CDH12: variants seen among roughly 807,000 people sequenced by gnomAD.
CDH12 encodes cadherin 12, also known as cadherin-12.
CDH12 carries 41 observed loss-of-function variants against 74.1 expected under a neutral mutation model. The ratio of observed to expected loss-of-function variants is 0.55; its 90% CI spans 0.43 to 0.72. The LOEUF (loss-of-function observed/expected upper bound fraction) is 0.72. CDH12 is among the 30% of genes least tolerant of loss of function. The pLI is 0.00. For missense variants in CDH12, 945 were observed against 977.2 expected, an observed-to-expected ratio of 0.97 and a Z score of 0.44; for synonymous variants, 399 against 355.0, an observed-to-expected ratio of 1.12 and a Z score of -1.39.
chr5:22,384,631 T>A (rs1271281280), intron 3 of CDH12, among the ~76,000 whole-genome samples: 2 of 152,146 alleles, frequency 1.3e-5, no homozygotes, highest in Non-Finnish European at 2.9e-5. Flanking sequence ...CAATGGCTTA[T>A]GTTCCTCAGT....
chr5:22,674,378 C>T (rs551937080), intron 1 of CDH12, among the ~76,000 whole-genome samples: 1 of 152,298 alleles, frequency 6.6e-6, no homozygotes, highest in Admixed American at 6.5e-5. Context: ...GTGAGACATA[C>T]CTTTCACTTT....
At chr5:21,850,044 C>T (rs1750379795) in intron 7 of CDH12, among the ~76,000 whole-genome samples, 1 of 151,288 alleles carries the variant, frequency 6.6e-6, no homozygotes, top group Admixed American at 6.6e-5. Context: ...TGAAATAAGC[C>T]AGGCATATAA....
chr5:22,609,202 G>T (rs1188042769), intron 1 of CDH12, among the ~76,000 whole-genome samples: 1 of 152,152 alleles, frequency 6.6e-6, no homozygotes, highest in Non-Finnish European at 1.5e-5. Flanking sequence ...AGTAAGGAAT[G>T]CAATGGAACC....
chr5:22,698,137 T>C (rs1346691864), intron 1 of CDH12, among the ~76,000 whole-genome samples: 1 of 144,386 alleles, frequency 6.9e-6, no homozygotes, highest in Non-Finnish European at 1.5e-5. Flanking sequence ...TTTTTTTTTT[T>C]TGAGATGGAG....
intron 10 of CDH12, among the ~76,000 whole-genome samples, chr5:21,797,526 GCT>G (rs367609059): frequency 5.6e-4 from 86 of 152,222 alleles, no homozygotes; most frequent in African/African-American, 2.0e-3. Flanking sequence ...TTCAAAAACA[GCT>G]CTGTCTTTTG....
intron 5 of CDH12, among the ~76,000 whole-genome samples, chr5:22,045,506 T>C (rs574915981): frequency 2.0e-5 from 3 of 151,858 alleles, no homozygotes; most frequent in Non-Finnish European, 4.4e-5. Context: ...TGCAGCACTA[T>C]TCACAATAGC....
chr5:22,173,222 C>CAT (rs1231048839), intron 4 of CDH12, among the ~76,000 whole-genome samples: 2 of 147,706 alleles, frequency 1.4e-5, no homozygotes, highest in African/African-American at 2.5e-5. Context: ...CATTTAATTA[C>CAT]ATATATATGA....
chr5:22,208,547 T>C (rs533132033), intron 4 of CDH12, among the ~76,000 whole-genome samples: 3 of 152,368 alleles, frequency 2.0e-5, no homozygotes, highest in Admixed American at 6.5e-5. Context: ...CTTCTTTTCC[T>C]GGCCACTAAC....
intron 2 of CDH12, among the ~76,000 whole-genome samples, chr5:22,459,023 G>T (rs1745400321): frequency 6.6e-6 from 1 of 151,638 alleles, no homozygotes; most frequent in Non-Finnish European, 1.5e-5. Context: ...TAACTTTATT[G>T]CTATAATCAC....
At chr5:22,285,242 A>G (rs1217108376) in intron 3 of CDH12, among the ~76,000 whole-genome samples, 1 of 152,164 alleles carries the variant, frequency 6.6e-6, no homozygotes, top group Non-Finnish European at 1.5e-5. Flanking sequence ...TTTAAAATAA[A>G]TTGTTTTTCC....
chr5:21,973,260 A>C (rs1756931080), intron 6 of CDH12, among the ~76,000 whole-genome samples: 1 of 152,126 alleles, frequency 6.6e-6, no homozygotes, highest in Non-Finnish European at 1.5e-5. Flanking sequence ...CAATTTAAGT[A>C]TTTACTGGAG....
chr5:21,908,933 T>G (rs2150061428), intron 6 of CDH12, among the ~76,000 whole-genome samples: 1 of 152,302 alleles, frequency 6.6e-6, no homozygotes, highest in African/African-American at 2.4e-5. Flanking sequence ...AAAAATTATT[T>G]ATTTGGATTT....
intron 1 of CDH12, among the ~76,000 whole-genome samples, chr5:22,762,356 A>C (rs1333406407): frequency 6.6e-6 from 1 of 152,080 alleles, no homozygotes; most frequent in Admixed American, 6.6e-5. Context: ...TTTATCTTAC[A>C]CATTTGTTAG....
At chr5:22,085,112 T>C (rs1742978213) in intron 4 of CDH12, among the ~76,000 whole-genome samples, 1 of 152,158 alleles carries the variant, frequency 6.6e-6, no homozygotes, top group Non-Finnish European at 1.5e-5. Flanking sequence ...AGAGTGACTT[T>C]TCAAAGACTT....
chr5:21,759,840 C>T (rs1306927037), intron 13 of CDH12, among the ~76,000 whole-genome samples: 1 of 151,990 alleles, frequency 6.6e-6, no homozygotes, highest in Non-Finnish European at 1.5e-5. Context: ...TCCTCCCATC[C>T]TCACCCCTCA....
At chr5:22,420,683 C>T (rs1261383) in intron 2 of CDH12, among the ~76,000 whole-genome samples, 141,593 of 152,230 alleles carry the variant, frequency 0.93, 65,908 homozygotes, top group Admixed American at 0.96. Context: ...ATTCAAAATA[C>T]TTTTAAACTA....
chr5:22,383,378 G>A (rs183509648), intron 3 of CDH12, among the ~76,000 whole-genome samples: 57 of 152,278 alleles, frequency 3.7e-4, no homozygotes, highest in Non-Finnish European at 7.2e-4. Context: ...ACTTAGAAAA[G>A]TGTCAATCAA....
intron 6 of CDH12, among the ~76,000 whole-genome samples, chr5:21,861,577 T>C (rs944834538): frequency 2.0e-5 from 3 of 152,118 alleles, no homozygotes; most frequent in Admixed American, 1.3e-4. Context: ...ACAGGCATTT[T>C]ATAAAAGCAC....
At chr5:21,896,269 A>T (rs796066685) in intron 6 of CDH12, among the ~76,000 whole-genome samples, 6 of 152,316 alleles carry the variant, frequency 3.9e-5, no homozygotes, top group African/African-American at 1.4e-4. Context: ...AAATTATAAT[A>T]CTGGAATTCC....
Sources: allele counts gnomAD v4.1 joint callset (sites outside exome capture counted in the v4.1 genomes callset), GRCh38; gene constraint gnomAD v4.1.1; transcripts MANE v1.5; gene names NCBI Gene and HGNC (gene_info 2026-07-23, HGNC 2026-07-21).